MBD5: variants seen among roughly 807,000 people sequenced by gnomAD.
The protein encoded by MBD5 is methyl-CpG binding domain protein 5, also known as methyl-CpG-binding domain protein 5.
Under a neutral mutation model 117.3 loss-of-function variants are expected in MBD5, and 13 were observed. The observed-to-expected ratio is 0.11, with a 90% CI of 0.07 to 0.18. MBD5 has a LOEUF of 0.18. Among genes scored for constraint, MBD5 ranks in the 10% least tolerant of loss-of-function variants. The pLI is 1.00. For missense variants in MBD5, 1,879 were observed against 2,093.8 expected, an observed-to-expected ratio of 0.90 and a Z score of 2.00; for synonymous variants, 727 against 766.4, an observed-to-expected ratio of 0.95 and a Z score of 0.85.
chr2:148,116,933 T>C (rs1468207668), intron 1 of MBD5, among the ~76,000 whole-genome samples: 2 of 152,196 alleles, frequency 1.3e-5, no homozygotes, highest in Admixed American at 1.3e-4. Context: ...AACTACTGAT[T>C]AAGTGTATGA....
At position 148,470,172 on chromosome 2, in the gene MBD5, T is replaced by C. The variant is rs1174348952; in HGVS notation, c.2229T>C (p.Ser743=). 1 of 1,613,958 alleles carries C rather than the reference T, an allele frequency of 6.2e-7. No individual in the cohort carries two copies. Among genetic ancestry groups the C allele is most frequent in the Non-Finnish European group, 8.5e-7 (1 of 1,179,910 alleles). The change falls in exon 8 of 14, where the codon AGT becomes AGC. Residue 743 remains serine, a synonymous_variant. Transcript: ENST00000642680. ...SANQLHFTDP[S]MNSSVLQNIP... ...ACCAGCTGCATTTTACAGATCCCAG[T>C]ATGAACTCTAGTGTTCTTCAGAACA...
chr2:148,475,464 A>G (rs184404168), intron 8 of MBD5, among the ~76,000 whole-genome samples: 1 of 152,264 alleles, frequency 6.6e-6, no homozygotes, highest in Non-Finnish European at 1.5e-5. Flanking sequence ...GTATTAAAAA[A>G]AAAAGGAGTT....
At chr2:148,240,734 T>C (rs1487333643) in intron 3 of MBD5, among the ~76,000 whole-genome samples, 1 of 152,238 alleles carries the variant, frequency 6.6e-6, no homozygotes, top group Admixed American at 6.5e-5. Context: ...AACTATTCTT[T>C]AGAAATTTCT....
chr2:148,424,708 T>C (rs1046688431), intron 4 of MBD5, among the ~76,000 whole-genome samples: 2 of 152,100 alleles, frequency 1.3e-5, no homozygotes, highest in Non-Finnish European at 2.9e-5. Flanking sequence ...TGCAATCAAA[T>C]TGGAACTCAG....
At chr2:148,506,104 T>G (rs12619515) in intron 12 of MBD5, among the ~76,000 whole-genome samples, 35,356 of 152,174 alleles carry the variant, frequency 0.23, 6,720 homozygotes, top group African/African-American at 0.53. Flanking sequence ...AGATGTTTGG[T>G]ATTTTATATA....
intron 4 of MBD5, among the ~76,000 whole-genome samples, chr2:148,370,616 G>A (rs1222868310): frequency 6.6e-6 from 1 of 152,024 alleles, no homozygotes; most frequent in African/African-American, 2.4e-5. Flanking sequence ...AGCCTCCCAA[G>A]TAGCTGGGAC....
At chr2:148,099,593 A>G (rs1487915902) in intron 1 of MBD5, among the ~76,000 whole-genome samples, 1 of 152,186 alleles carries the variant, frequency 6.6e-6, no homozygotes, top group Non-Finnish European at 1.5e-5. Context: ...AGAAAGTGTC[A>G]GGAAAGAAAG....
At chr2:148,482,567 A>G (rs1297993561) in intron 8 of MBD5, among the ~76,000 whole-genome samples, 1 of 152,150 alleles carries the variant, frequency 6.6e-6, no homozygotes, top group African/African-American at 2.4e-5. Context: ...GCTATAAACT[A>G]AAATGTTAAT....
intron 2 of MBD5, among the ~76,000 whole-genome samples, chr2:148,232,328 C>G (rs969204082): frequency 2.6e-5 from 4 of 152,148 alleles, no homozygotes; most frequent in African/African-American, 9.7e-5. Context: ...AAATGTCATT[C>G]TGTTGCTCTA....
At chr2:148,213,162 T>G (rs747951992) in intron 2 of MBD5, among the ~76,000 whole-genome samples, 8 of 152,178 alleles carry the variant, frequency 5.3e-5, no homozygotes, top group Non-Finnish European at 8.8e-5. Flanking sequence ...GCTGAAAAAA[T>G]AATGATGAAC....
chr2:148,396,694 C>A (rs933226363), intron 4 of MBD5, among the ~76,000 whole-genome samples: 3 of 152,108 alleles, frequency 2.0e-5, no homozygotes, highest in African/African-American at 7.2e-5. Context: ...GGGTTTGGCC[C>A]AATGAAAGGC....
chr2:148,143,969 G>C (rs1697380739), intron 1 of MBD5, among the ~76,000 whole-genome samples: 1 of 152,156 alleles, frequency 6.6e-6, no homozygotes, highest in Non-Finnish European at 1.5e-5. Flanking sequence ...TATATACCCA[G>C]TAATGGGATG....
At chr2:148,156,948 G>C (rs977810990) in intron 1 of MBD5, among the ~76,000 whole-genome samples, 3 of 152,058 alleles carry the variant, frequency 2.0e-5, no homozygotes, top group African/African-American at 4.8e-5. Flanking sequence ...CACAGTTCCT[G>C]GCACATAGAA....
chr2:148,408,479 T>C (rs929924014), intron 4 of MBD5, among the ~76,000 whole-genome samples: 8 of 152,210 alleles, frequency 5.3e-5, no homozygotes, highest in Non-Finnish European at 7.3e-5. Context: ...ATTTTAAGCA[T>C]TTTGTGTCAT....
chr2:148,368,406 A>G (rs1288643597), intron 4 of MBD5, among the ~76,000 whole-genome samples: 2 of 152,164 alleles, frequency 1.3e-5, no homozygotes, highest in African/African-American at 2.4e-5. Context: ...GCAAACCACC[A>G]TGGCATGTGT....
At chr2:148,055,776 C>T (rs566678988) in intron 1 of MBD5, 2 of 152,106 alleles carry the variant, frequency 1.3e-5, no homozygotes, top group South Asian at 2.1e-4. Flanking sequence ...TCAGTGTCTC[C>T]TTGGTCTTAT....
At chr2:148,037,215 T>C (rs191088122) in intron 1 of MBD5, among the ~76,000 whole-genome samples, 223 of 152,106 alleles carry the variant, frequency 1.5e-3, no homozygotes, top group Non-Finnish European at 2.7e-3. Context: ...ATAATTTGTT[T>C]GTTTCAAATA....
intron 4 of MBD5, among the ~76,000 whole-genome samples, chr2:148,430,484 G>T (rs989146111): frequency 1.3e-5 from 2 of 151,958 alleles, no homozygotes; most frequent in Admixed American, 1.3e-4. Flanking sequence ...GTTTCCAATA[G>T]ATTGAGCACA....
chr2:148,160,321 C>T (rs895008686), intron 1 of MBD5, among the ~76,000 whole-genome samples: 5 of 152,120 alleles, frequency 3.3e-5, no homozygotes, highest in Non-Finnish European at 7.4e-5. Flanking sequence ...TCACTTGAAC[C>T]CAGGAGGTGG....
Sources: gnomAD v4.1 joint callset for allele counts (sites outside exome capture counted in the v4.1 genomes callset) on GRCh38, gnomAD v4.1.1 for gene constraint, MANE v1.5 for transcripts, NCBI Gene and HGNC (gene_info 2026-07-23, HGNC 2026-07-21) for gene names.